Variants in ERMP1 observed in about 807,000 individuals in gnomAD.
ERMP1 encodes the protein endoplasmic reticulum metallopeptidase 1.
In ERMP1, 86 loss-of-function variants were observed where a neutral mutation model predicts 92.0. The ratio of observed to expected loss-of-function variants is 0.93; its 90% confidence interval spans 0.79 to 1.12. ERMP1 has a LOEUF of 1.12. ERMP1 is among the 50% of genes most tolerant of loss of function. The pLI, the probability that ERMP1 is intolerant of heterozygous loss-of-function variation, is 0.00. For synonymous variants in ERMP1, 530 were observed against 412.8 expected, an observed-to-expected ratio of 1.28 and a Z score of -3.44; for missense variants, 1,342 against 1,116.3, an observed-to-expected ratio of 1.20 and a Z score of -2.88.
intron 5 of ERMP1, among the ~76,000 whole-genome samples, chr9:5,865,837 CA>C (rs67420468): frequency 0.098 from 10,676 of 109,308 alleles, 259 homozygotes; most frequent in Middle Eastern, 0.16. Context: ...GGCTCTGTCT[CA>C]AAAAAAAAAA....
intron 4 of ERMP1, among the ~76,000 whole-genome samples, chr9:5,823,262 G>C (rs975773051): frequency 1.1e-4 from 17 of 151,952 alleles, no homozygotes; most frequent in East Asian, 5.8e-4. Context: ...GGGTGACAGA[G>C]CATGGCTCTG....
At chr9:5,855,096 TGA>T in intron 6 of ERMP1, among the ~76,000 whole-genome samples, 1 of 152,232 alleles carries the variant, frequency 6.6e-6, no homozygotes, top group South Asian at 2.1e-4. Flanking sequence ...AAGAAAAATT[TGA>T]GAGAGATAAA....
chr9:5,844,733 G>C lies in ERMP1; in HGVS notation n.3200-11421C>G, dbSNP rs1003490153. Among the ~76,000 whole-genome samples the C allele has an allele frequency of 1.3e-5, 2 of 152,090 alleles. 1 individual carries two copies. The highest frequency in any genetic ancestry group is 1.3e-4 in the Admixed American group (2 of 15,276). ...CTGCACCCCTCCTCATCCCCTTTTT[G>C]TTTATATATGGGTGGATTTTTCAAC... On this transcript the variant is annotated intron_variant and non_coding_transcript_variant, in intron 6 of 6. Coordinates refer to the ERMP1 transcript ENST00000690753.
Position 5,812,979 on chromosome 9 carries a change from C to CA in ERMP1, c.930dup (p.Ala311CysfsTer19). The CA allele has an allele frequency of 6.2e-7, 1 of 1,614,014 alleles. No homozygotes were observed. The highest frequency in any genetic ancestry group is 8.5e-7 in the Non-Finnish European group (1 of 1,179,932). On this transcript the variant is annotated frameshift_variant, in exon 5 of 15. Coordinates refer to ENST00000339450, the MANE Select transcript of ERMP1 (RefSeq NM_024896.3). LOFTEE classifies it high-confidence loss of function. ...AAAACCTCCTGAGCCACCACAGAAGCAAAAGGGTGTTTAGCTGCTGAAACA... is the reference window on the plus strand; with the variant it reads ...AAAACCTCCTGAGCCACCACAGAAGCAAAAAGGGTGTTTAGCTGCTGAAACA...
At chr9:5,806,849 A>T (rs1586788432) in intron 8 of ERMP1, among the ~76,000 whole-genome samples, 1 of 152,328 alleles carries the variant, frequency 6.6e-6, no homozygotes, top group East Asian at 1.9e-4. Context: ...AGAAATAGAT[A>T]TATTAAAGTT....
chr9:5,841,550 C>A (rs1262369144), intron 6 of ERMP1, among the ~76,000 whole-genome samples: 1 of 152,174 alleles, frequency 6.6e-6, no homozygotes, highest in South Asian at 2.1e-4. Context: ...GTAATCCCAA[C>A]ACTTTGGGAG....
chr9:5,827,221 G>A (rs1255134309), intron 2 of ERMP1, among the ~76,000 whole-genome samples: 2 of 152,158 alleles, frequency 1.3e-5, no homozygotes, highest in East Asian at 1.9e-4. Context: ...CTTCAATTAG[G>A]CCATCCACTA....
intron 6 of ERMP1, chr9:5,856,163 G>T (rs975589179): frequency 1.3e-5 from 4 of 304,898 alleles, no homozygotes; most frequent in East Asian, 1.2e-4. Context: ...TCAGGGCATT[G>T]GTTTGTCCTA....
intron 13 of ERMP1, 23 bp from the exon 14 acceptor site, chr9:5,787,616 A>C: frequency 6.3e-7 from 1 of 1,595,988 alleles, no homozygotes; most frequent in Non-Finnish European, 8.5e-7. Flanking sequence ...AGGAAGAAAG[A>C]ACAGTTAATC....
Position 5,805,159 on chromosome 9 carries a change from A to C in ERMP1, c.1782T>G (p.Tyr594Ter). Residue 594 changes from tyrosine to a stop codon, truncating the protein, a stop_gained, in exon 10 of 15, where the codon TAT becomes TAG. Coordinates refer to ENST00000339450, the MANE Select transcript of ERMP1 (RefSeq NM_024896.3). LOFTEE classifies it high-confidence loss of function. ...ATACTGCCCAGATGAGGTACAATGC[A>C]TAAAGATAAGGAATAAACATCCCCA... ...YLLGMFIPYL[Y>*]ALYLIWAVFE... The C allele has an allele frequency of 6.2e-7, 1 of 1,613,616 alleles. No homozygotes were observed. The highest frequency in any genetic ancestry group is 8.5e-7 in the Non-Finnish European group (1 of 1,179,854).
chr9:5,832,386 T>C (rs1256995643), intron 1 of ERMP1: 3 of 365,526 alleles, frequency 8.2e-6, no homozygotes, highest in African/African-American at 4.2e-5. Flanking sequence ...TGTTCCAGAA[T>C]ATGGGGAGAC....
intron 6 of ERMP1, among the ~76,000 whole-genome samples, chr9:5,859,070 T>C (rs1042175435): frequency 3.3e-5 from 5 of 152,218 alleles, no homozygotes; most frequent in African/African-American, 1.2e-4. Context: ...ATTCCAAACA[T>C]CACGGCTAGC....
rs1827872526 is a variant in ERMP1 at position 5,784,870 on chromosome 9, C to T, written c.*2274G>A. 1.3e-5 allele frequency: 2 copies of T among 152,622 alleles called. No homozygotes were observed. The highest frequency in any genetic ancestry group is 6.5e-5 in the Admixed American group (1 of 15,308). 9.5% of individuals were successfully genotyped at this position (152,622 alleles called of 1,614,324 possible). A position where few individuals can be genotyped will look rare whatever the true frequency, so the allele number is the denominator to read the frequency against. On this transcript the variant is annotated 3_prime_UTR_variant, in exon 15 of 15. Transcript: ENST00000339450. ...TGAATATGCAGTACTGTACTACTAA[C>T]ATCTAATTCTGTAGAAAATAATGCA...
intron 13 of ERMP1, among the ~76,000 whole-genome samples, chr9:5,795,607 G>A (rs1423973321): frequency 6.6e-6 from 1 of 151,974 alleles, no homozygotes; most frequent in Non-Finnish European, 1.5e-5. Flanking sequence ...GTGAAACCCT[G>A]TCTCTACTAA....
At chr9:5,791,968 T>C (rs553171782) in intron 13 of ERMP1, among the ~76,000 whole-genome samples, 2 of 152,186 alleles carry the variant, frequency 1.3e-5, no homozygotes, top group African/African-American at 4.8e-5. Context: ...GGATGGCAGT[T>C]GCTCACTTAA....
intron 8 of ERMP1, among the ~76,000 whole-genome samples, chr9:5,807,448 T>C (rs1828910002): frequency 6.6e-6 from 1 of 152,070 alleles, no homozygotes; most frequent in East Asian, 1.9e-4. Context: ...AACACATGCT[T>C]CAAAAACCCC....
chr9:5,808,700 T>A (rs1828963864), intron 8 of ERMP1, among the ~76,000 whole-genome samples: 1 of 152,208 alleles, frequency 6.6e-6, no homozygotes, highest in South Asian at 2.1e-4. Context: ...TCACTGTAAT[T>A]CATTTTTAGA....
chr9:5,860,491 C>T (rs532587443), intron 5 of ERMP1, among the ~76,000 whole-genome samples: 2 of 152,188 alleles, frequency 1.3e-5, no homozygotes, highest in Non-Finnish European at 2.9e-5. Flanking sequence ...GAATGAAGCT[C>T]AGAGCCATAA....
At chr9:5,822,233 C>T (rs895457100) in intron 4 of ERMP1, among the ~76,000 whole-genome samples, 5 of 152,054 alleles carry the variant, frequency 3.3e-5, no homozygotes, top group African/African-American at 1.2e-4. Context: ...GCCTGGGCAA[C>T]GGAGTGAGAC....
Sources: allele counts gnomAD v4.1 joint callset (sites outside exome capture counted in the v4.1 genomes callset), GRCh38; gene constraint gnomAD v4.1.1; transcripts MANE v1.5; gene names NCBI Gene and HGNC (gene_info 2026-07-23, HGNC 2026-07-21).